The following GALNT13 variants were observed in gnomAD, a reference collection of about 807,000 sequenced individuals.
GALNT13 encodes UDP-GalNAc:polypeptide N-acetylgalactosaminyltransferase 13.
A neutral mutation model predicts 64.2 loss-of-function variants in GALNT13; 28 were observed. That is an observed-to-expected ratio of 0.44 (90% confidence interval 0.32 to 0.60). The LOEUF (loss-of-function observed/expected upper bound fraction) is 0.60. GALNT13 is among the 20% of genes least tolerant of loss of function. The pLI is 0.05. For missense variants in GALNT13, 577 were observed against 669.8 expected (o/e 0.86, Z 1.53); for synonymous variants, 214 against 224.6 (o/e 0.95, Z 0.42).
chr2:153,364,025 A>G, the GALNT13 span, among the ~76,000 whole-genome samples: 1 of 152,182 alleles, frequency 6.6e-6, no homozygotes, highest in Non-Finnish European at 1.5e-5. Flanking sequence ...CAGCACATCA[A>G]AAAATTTACT....
the GALNT13 span, among the ~76,000 whole-genome samples, chr2:153,099,555 T>G: frequency 4.6e-5 from 7 of 152,192 alleles, no homozygotes; most frequent in African/African-American, 1.7e-4. Flanking sequence ...ATTAAAATAT[T>G]TAGATGAAGT....
the GALNT13 span, among the ~76,000 whole-genome samples, chr2:153,856,717 T>C: frequency 6.6e-6 from 1 of 152,162 alleles, no homozygotes; most frequent in African/African-American, 2.4e-5. Context: ...TGTTGACAGT[T>C]TCTAATGAAG....
At chr2:153,905,031 A>G (rs1465315496) in intron 2 of GALNT13, among the ~76,000 whole-genome samples, 1 of 151,952 alleles carries the variant, frequency 6.6e-6, no homozygotes, top group Admixed American at 6.6e-5. Flanking sequence ...CACTTATAAC[A>G]CTATTTTAAC....
chr2:153,749,282 C>A, the GALNT13 span, among the ~76,000 whole-genome samples: 1 of 151,874 alleles, frequency 6.6e-6, no homozygotes, highest in Admixed American at 6.6e-5. Context: ...CAGTTTTGTT[C>A]TTTTTGCTCA....
chr2:153,757,247 T>C, the GALNT13 span, among the ~76,000 whole-genome samples: 1 of 152,166 alleles, frequency 6.6e-6, no homozygotes, highest in Non-Finnish European at 1.5e-5. Context: ...CTTCTTAGCT[T>C]CCACATACAA....
chr2:154,296,384 TC>T (rs1476875303), intron 8 of GALNT13, among the ~76,000 whole-genome samples: 2 of 152,188 alleles, frequency 1.3e-5, no homozygotes, highest in African/African-American at 4.8e-5. Context: ...TGTACAACTG[TC>T]CAGCTGGGAG....
chr2:154,146,346 A>G (rs1683599832), intron 4 of GALNT13, among the ~76,000 whole-genome samples: 1 of 151,970 alleles, frequency 6.6e-6, no homozygotes, highest in South Asian at 2.1e-4. Context: ...TGCAGAAAAC[A>G]TGCCACATAA....
intron 2 of GALNT13, among the ~76,000 whole-genome samples, chr2:153,941,065 AT>A (rs1371255469): frequency 6.6e-6 from 1 of 152,088 alleles, no homozygotes. Flanking sequence ...TAACATCAAA[AT>A]TTTTTTTGAG....
At chr2:153,728,291 C>T in the GALNT13 span, among the ~76,000 whole-genome samples, 1 of 152,298 alleles carries the variant, frequency 6.6e-6, no homozygotes, top group East Asian at 1.9e-4. Context: ...AATGGTATTT[C>T]TGGTTCTAGA....
chr2:153,869,246 T>C (rs1685810885), upstream of GALNT13, among the ~76,000 whole-genome samples: 1 of 152,194 alleles, frequency 6.6e-6, no homozygotes, highest in African/African-American at 2.4e-5. Flanking sequence ...AATTTGATTA[T>C]AAATAAAAGT....
chr2:153,843,353 G>A, the GALNT13 span, among the ~76,000 whole-genome samples: 14 of 152,262 alleles, frequency 9.2e-5, no homozygotes, highest in East Asian at 3.9e-4. Flanking sequence ...TTAAATGACC[G>A]GATGTTGTGT....
At chr2:153,546,836 A>T in the GALNT13 span, among the ~76,000 whole-genome samples, 2 of 152,208 alleles carry the variant, frequency 1.3e-5, no homozygotes, top group Non-Finnish European at 2.9e-5. Flanking sequence ...GTCTTTTTGA[A>T]TAATTGCCCC....
At chr2:153,215,550 T>C in the GALNT13 span, among the ~76,000 whole-genome samples, 1 of 152,052 alleles carries the variant, frequency 6.6e-6, no homozygotes, top group African/African-American at 2.4e-5. Flanking sequence ...TACTTGATCG[T>C]GGATGAAACT....
intron 3 of GALNT13, among the ~76,000 whole-genome samples, chr2:154,023,161 A>G (rs952838830): frequency 5.9e-5 from 9 of 152,160 alleles, no homozygotes; most frequent in Non-Finnish European, 1.0e-4. Flanking sequence ...AAAAGAATGT[A>G]TATTCTGTTG....
chr2:153,508,974 A>G, the GALNT13 span, among the ~76,000 whole-genome samples: 1 of 152,154 alleles, frequency 6.6e-6, no homozygotes, highest in South Asian at 2.1e-4. Flanking sequence ...CGAAGGTGAA[A>G]CAGACAAAGA....
the GALNT13 span, among the ~76,000 whole-genome samples, chr2:153,797,196 T>G: frequency 6.6e-6 from 1 of 152,204 alleles, no homozygotes. Context: ...GTTAGATGTG[T>G]CATGGACAGA....
chr2:153,214,736 A>T, the GALNT13 span, among the ~76,000 whole-genome samples: 13 of 152,172 alleles, frequency 8.5e-5, no homozygotes, highest in African/African-American at 2.9e-4. Flanking sequence ...TAATTTAAGA[A>T]TAGGACTTAG....
At chr2:153,424,633 C>G in the GALNT13 span, among the ~76,000 whole-genome samples, 1 of 151,690 alleles carries the variant, frequency 6.6e-6, no homozygotes, top group Non-Finnish European at 1.5e-5. Flanking sequence ...GTTGGGAAAC[C>G]AGGTCTCCTA....
intron 3 of GALNT13, among the ~76,000 whole-genome samples, chr2:154,127,394 A>C (rs1682346286): frequency 6.6e-6 from 1 of 152,124 alleles, no homozygotes; most frequent in South Asian, 2.1e-4. Flanking sequence ...AACATTCCTC[A>C]GAAGGTTCAT....
Sources: gnomAD v4.1 joint callset for allele counts (sites outside exome capture counted in the v4.1 genomes callset) on GRCh38, gnomAD v4.1.1 for gene constraint, MANE v1.5 for transcripts, NCBI Gene and HGNC (gene_info 2026-07-23, HGNC 2026-07-21) for gene names.